IMMP2L: variants seen among roughly 807,000 people sequenced by gnomAD.
The protein encoded by IMMP2L is mitochondrial inner membrane protease subunit 2.
IMMP2L carries 18 observed loss-of-function variants against 19.3 expected under a neutral mutation model. The observed-to-expected ratio is 0.93, with a 90% CI of 0.64 to 1.38. The LOEUF (loss-of-function observed/expected upper bound fraction) is 1.38. Among genes scored for constraint, IMMP2L ranks in the 40% most tolerant of loss-of-function variants. IMMP2L has a pLI of 0.00. For synonymous variants in IMMP2L, 76 were observed against 73.0 expected (o/e 1.04, Z -0.21); for missense variants, 233 against 218.2 (o/e 1.07, Z -0.43).
At chr7:111,453,505 AATTGGAGCATTGTTTCATATCGGTATC>A (rs1441950443) in intron 3 of IMMP2L, among the ~76,000 whole-genome samples, 6 of 152,176 alleles carry the variant, frequency 3.9e-5, no homozygotes, top group Non-Finnish European at 8.8e-5. Context: ...ATTCATTGTA[AATTGGAGCATTGTTTCATATCGGTATC>A]ATTGGAGCAT....
At chr7:111,460,955 A>G (rs1474932597) in intron 3 of IMMP2L, among the ~76,000 whole-genome samples, 5 of 151,960 alleles carry the variant, frequency 3.3e-5, no homozygotes, top group African/African-American at 1.2e-4. Flanking sequence ...TGCTTATTTG[A>G]TTCTATATAC....
chr7:111,433,689 C>T (rs992066419), intron 3 of IMMP2L, among the ~76,000 whole-genome samples: 2 of 151,314 alleles, frequency 1.3e-5, no homozygotes, highest in African/African-American at 4.9e-5. Flanking sequence ...GCCCTTGAAA[C>T]GTGAGGATAT....
intron 3 of IMMP2L, among the ~76,000 whole-genome samples, chr7:111,249,382 C>G (rs1254817085): frequency 2.1e-5 from 3 of 143,406 alleles, no homozygotes; most frequent in East Asian, 4.2e-4. Context: ...CTTCGGCTCG[C>G]GCACGGTGCG....
chr7:110,678,060 T>G (rs1347894144), intron 5 of IMMP2L, among the ~76,000 whole-genome samples: 1 of 152,154 alleles, frequency 6.6e-6, no homozygotes, highest in East Asian at 1.9e-4. Context: ...ATATTTCCTG[T>G]AGACAAGAAC....
chr7:111,326,158 A>C (rs568963055), intron 3 of IMMP2L, among the ~76,000 whole-genome samples: 1 of 151,876 alleles, frequency 6.6e-6, no homozygotes, highest in African/African-American at 2.4e-5. Context: ...AGAAAATTAC[A>C]CTTAATCGAA....
At chr7:111,216,120 C>T (rs906146964) in intron 3 of IMMP2L, among the ~76,000 whole-genome samples, 5 of 152,150 alleles carry the variant, frequency 3.3e-5, no homozygotes, top group African/African-American at 1.2e-4. Flanking sequence ...CCAGATACCT[C>T]ACCGTAATTA....
At position 110,757,333 on chromosome 7, in the gene IMMP2L, G is replaced by A. The variant is rs1012427440; in HGVS notation, c.409-93612C>T. On this transcript the variant is annotated intron_variant, in intron 5 of 5. Transcript: ENST00000405709. This position sits in a 1 kb window ranked among gnomAD's most constrained non-coding sequence, Gnocchi z 4.2. ...CTAGAGCTTAATAATTTTTTAACAA[G>A]CTATTCTGCATTTTCATTTTGCACT... 2.0e-5 allele frequency among the ~76,000 whole-genome samples: 3 copies of A among 151,800 alleles called. No homozygotes were observed. Among genetic ancestry groups the A allele is most frequent in the Admixed American group, 1.3e-4 (2 of 15,206 alleles).
chr7:110,841,944 T>C (rs1798383452), intron 5 of IMMP2L, among the ~76,000 whole-genome samples: 1 of 152,082 alleles, frequency 6.6e-6, no homozygotes, highest in South Asian at 2.1e-4. Context: ...AATCTCAAAT[T>C]TATAAAGTAC....
At chr7:110,762,871 C>T (rs1454426572) in intron 5 of IMMP2L, among the ~76,000 whole-genome samples, 1 of 152,112 alleles carries the variant, frequency 6.6e-6, no homozygotes, top group Non-Finnish European at 1.5e-5. Context: ...ACATATACTC[C>T]ACCCTGCATT....
chr7:111,343,815 T>C (rs1026961537), intron 3 of IMMP2L, among the ~76,000 whole-genome samples: 4 of 152,112 alleles, frequency 2.6e-5, no homozygotes, highest in African/African-American at 7.2e-5. Context: ...GTGATCACCA[T>C]AAACTCTTCA....
At chr7:111,223,799 T>C (rs919207778) in intron 3 of IMMP2L, among the ~76,000 whole-genome samples, 1 of 152,116 alleles carries the variant, frequency 6.6e-6, no homozygotes, top group Non-Finnish European at 1.5e-5. Flanking sequence ...CCTTCATGGT[T>C]ACAACAGAAT....
At chr7:111,293,078 G>A (rs1016980040) in intron 3 of IMMP2L, among the ~76,000 whole-genome samples, 7 of 151,872 alleles carry the variant, frequency 4.6e-5, no homozygotes, top group Admixed American at 3.3e-4. Flanking sequence ...TATAAGCAAT[G>A]GTGTACACCT....
Position 111,111,974 on chromosome 7 carries a change from G to A in IMMP2L, c.240-148409C>T, listed in dbSNP as rs1309773581. ...TTTTTTTTTTTTTTTTTGAGATGGA[G>A]TCTTGCTCTGTCTCCCAGGCTGGAG... is the stretch of plus-strand genomic sequence containing the variant. On this transcript the variant is annotated intron_variant, in intron 3 of 5. Coordinates refer to ENST00000405709, the MANE Select transcript of IMMP2L (RefSeq NM_032549.4). Among the ~76,000 whole-genome samples the A allele has an allele frequency of 2.6e-5, 3 of 116,136 alleles. No individual in the cohort carries two copies. In the East Asian group the frequency reaches 7.4e-4, roughly 29 times the overall value. The allele number at this position is 116,136 out of a possible 152,430, so 76.2% of individuals were successfully genotyped here.
chr7:111,112,476 C>T (rs1007978143), intron 3 of IMMP2L, among the ~76,000 whole-genome samples: 2 of 151,836 alleles, frequency 1.3e-5, no homozygotes, highest in African/African-American at 2.4e-5. Context: ...TTTCCACTCA[C>T]AAAAAGATGC....
intron 3 of IMMP2L, among the ~76,000 whole-genome samples, chr7:111,278,340 G>T (rs911522059): frequency 2.0e-5 from 3 of 152,234 alleles, no homozygotes; most frequent in African/African-American, 4.8e-5. Flanking sequence ...AGTAAACATG[G>T]TTTGTATGTG....
intron 3 of IMMP2L, among the ~76,000 whole-genome samples, chr7:111,035,678 T>G (rs1440216745): frequency 1.3e-5 from 2 of 152,168 alleles, no homozygotes; most frequent in African/African-American, 2.4e-5. Context: ...TTTCCTCCTG[T>G]CAATAAGAAG....
chr7:111,229,683 T>C (rs1209570316), intron 3 of IMMP2L, among the ~76,000 whole-genome samples: 2 of 152,022 alleles, frequency 1.3e-5, no homozygotes, highest in Admixed American at 1.3e-4. Context: ...TCCAGGACAT[T>C]TGACTAAAAG....
chr7:111,370,454 T>G (rs1830165359), intron 3 of IMMP2L, among the ~76,000 whole-genome samples: 1 of 152,008 alleles, frequency 6.6e-6, no homozygotes, highest in Non-Finnish European at 1.5e-5. Context: ...AAATCTCTGT[T>G]TTCAGGGAGA....
At chr7:110,723,435 T>C (rs895136883) in intron 5 of IMMP2L, among the ~76,000 whole-genome samples, 4 of 152,232 alleles carry the variant, frequency 2.6e-5, no homozygotes, top group Non-Finnish European at 4.4e-5. Context: ...TGCCTGCTAG[T>C]GTCTGGTTTT....
Sources: allele counts gnomAD v4.1 joint callset (sites outside exome capture counted in the v4.1 genomes callset), GRCh38; gene constraint gnomAD v4.1.1; non-coding constraint Gnocchi (gnomAD v3.1); transcripts MANE v1.5; gene names NCBI Gene and HGNC (gene_info 2026-07-23, HGNC 2026-07-21).